The following CPO variants were observed in gnomAD, a reference collection of about 807,000 sequenced individuals.
CPO encodes the protein metallocarboxypeptidase C.
Under a neutral mutation model 41.2 loss-of-function variants are expected in CPO, and 43 were observed. The ratio of observed to expected loss-of-function variants is 1.04; its 90% CI spans 0.82 to 1.35. CPO has a LOEUF of 1.35. Among genes scored for constraint, CPO ranks in the 40% most tolerant of loss-of-function variants. CPO has a pLI of 0.00. For synonymous variants in CPO, 178 were observed against 162.7 expected, an observed-to-expected ratio of 1.09 and a Z score of -0.72; for missense variants, 408 against 451.7, an observed-to-expected ratio of 0.90 and a Z score of 0.88.
Position 206,950,273 on chromosome 2 carries a change from G to A in CPO, c.165+560G>A, listed in dbSNP as rs76202784. Reference sequence around the variant, plus strand: ...AAAACAAACAACCCCATCAAAAAGTGGGCAAAGGATATGAACAGACACCTC... The same window carrying A: ...AAAACAAACAACCCCATCAAAAAGTAGGCAAAGGATATGAACAGACACCTC... On this transcript the variant is annotated intron_variant, in intron 2 of 8. Transcript: ENST00000272852. Among the ~76,000 whole-genome samples, 6 of 152,270 alleles carry A rather than the reference G, an allele frequency of 3.9e-5. No individual in the cohort carries two copies. In the South Asian group the frequency reaches 1.2e-3, roughly 32 times the overall value.
chr2:206,953,695 C>T (rs1298060559), intron 2 of CPO, among the ~76,000 whole-genome samples: 1 of 152,230 alleles, frequency 6.6e-6, no homozygotes, highest in Non-Finnish European at 1.5e-5. Flanking sequence ...GGCAGTGCCC[C>T]AGTGGGGACT....
In CPO at chr2:206,959,703, G is replaced by T; in HGVS notation, c.445G>T (p.Val149Phe). The T allele has an allele frequency of 6.4e-7, 1 of 1,570,266 alleles. No homozygotes were observed. ...LRNLDFYVLP[V>F]LNIDGYIYTW... ...GAACCTGGACTTCTATGTCCTTCCA[G>T]TTCTTAACATAGATGGTTATATCTA... The change falls in exon 5 of 9, where the codon GTT (valine) becomes TTT (phenylalanine). Residue 149 changes from valine (V) to phenylalanine (F), a missense_variant. Val to Phe is a conservative substitution (Grantham distance 50). Coordinates refer to ENST00000272852, the MANE Select transcript of CPO (RefSeq NM_173077.3).
At chr2:206,961,655 T>A (rs1168275236) in intron 6 of CPO, among the ~76,000 whole-genome samples, 1 of 152,106 alleles carries the variant, frequency 6.6e-6, no homozygotes, top group African/African-American at 2.4e-5. Flanking sequence ...ACTACTTATG[T>A]CCTTGCTAAA....
intron 7 of CPO, among the ~76,000 whole-genome samples, chr2:206,963,788 G>A (rs912816101): frequency 3.3e-5 from 5 of 150,120 alleles, no homozygotes; most frequent in Admixed American, 6.6e-5. Context: ...TGGCTATTAC[G>A]AACAATGCTG....
At chr2:206,955,931 T>A (rs1454939388) in intron 3 of CPO, among the ~76,000 whole-genome samples, 1 of 152,190 alleles carries the variant, frequency 6.6e-6, no homozygotes, top group Non-Finnish European at 1.5e-5. Flanking sequence ...AAAATGTTCT[T>A]TTTTAAAAAA....
chr2:206,965,751 C>T (rs1028200692), intron 7 of CPO, among the ~76,000 whole-genome samples: 1 of 151,858 alleles, frequency 6.6e-6, no homozygotes, highest in East Asian at 1.9e-4. Flanking sequence ...TTAAGCGGGC[C>T]GGAGGTTTTT....
intron 5 of CPO, among the ~76,000 whole-genome samples, chr2:206,960,044 T>C (rs1326314604): frequency 6.6e-6 from 1 of 152,192 alleles, no homozygotes; most frequent in African/African-American, 2.4e-5. Context: ...TAGGATTATA[T>C]TGATAAAAAT....
Position 206,958,301 on chromosome 2 carries a change from A to T in CPO, c.268A>T (p.Ile90Phe). The change falls in exon 4 of 9, where the codon ATC becomes TTC. Residue 90 changes from isoleucine (I) to phenylalanine (F), a missense_variant and splice_region_variant. Coordinates refer to ENST00000272852, the MANE Select transcript of CPO (RefSeq NM_173077.3). ...YETHPMYYLK[I>F]SQPSGNPKKI... Reference sequence around the variant, plus strand: ...AATGGGGCATGGATATCTTCTCCAGATCAGCCAACCATCTGGTAATCCCAA... The same window carrying T: ...AATGGGGCATGGATATCTTCTCCAGTTCAGCCAACCATCTGGTAATCCCAA... 1 of 1,562,050 alleles carries T rather than the reference A, an allele frequency of 6.4e-7. No homozygotes were observed. Among genetic ancestry groups the T allele is most frequent in the Middle Eastern group, 1.7e-4 (1 of 5,948 alleles).
chr2:206,949,210 A>C (rs755976097), intron 1 of CPO, among the ~76,000 whole-genome samples: 3 of 152,196 alleles, frequency 2.0e-5, no homozygotes, highest in Non-Finnish European at 4.4e-5. Flanking sequence ...TCTGAAATGG[A>C]GATAATAAGA....
At chr2:206,961,422 A>C (rs1574354997) in intron 6 of CPO, among the ~76,000 whole-genome samples, 1 of 152,190 alleles carries the variant, frequency 6.6e-6, no homozygotes, top group African/African-American at 2.4e-5. Flanking sequence ...CCAGATGGGA[A>C]GGGTTAAAAT....
chr2:206,945,429 C>T (rs926498627), intron 1 of CPO, among the ~76,000 whole-genome samples: 1 of 152,000 alleles, frequency 6.6e-6, no homozygotes, highest in African/African-American at 2.4e-5. Context: ...AAAATATAAC[C>T]CCATTTCTTG....
At chr2:206,952,513 T>C (rs1317952213) in intron 2 of CPO, among the ~76,000 whole-genome samples, 1 of 152,240 alleles carries the variant, frequency 6.6e-6, no homozygotes. Context: ...TGTCTGAATA[T>C]GTCTTATGTT....
chr2:206,939,643 T>A lies in CPO; in HGVS notation c.44T>A (p.Val15Asp). ...LETLYLLGML[V>D]PGGLGYDRSL... The stretch of plus-strand genomic sequence containing the variant: ...ACCCTTTATCTTTTGGGGATGCTGG[T>A]TCCTGGAGGGCTGGGATATGATAGG... The change falls in exon 1 of 9, where the codon GTT becomes GAT. Residue 15 changes from valine to aspartate, a missense_variant. Physicochemically the swap from Val to Asp is radical, Grantham distance 152. Coordinates refer to ENST00000272852, the MANE Select transcript of CPO (RefSeq NM_173077.3). 6.2e-7 allele frequency: 1 copy of A among 1,611,226 alleles called. No individual in the cohort carries two copies. Among genetic ancestry groups the A allele is most frequent in the Non-Finnish European group, 8.5e-7 (1 of 1,177,872 alleles).
chr2:206,960,793 C>T, intron 5 of CPO, 59 bp from the exon 6 acceptor site: 1 of 1,222,580 alleles, frequency 8.2e-7, no homozygotes. Flanking sequence ...CCTATCATCA[C>T]TAACACTGTG....
Position 206,954,902 on chromosome 2 carries a change from C to T in CPO, c.166-561C>T, listed in dbSNP as rs1693329470. On this transcript the variant is annotated intron_variant, in intron 2 of 8. Transcript: ENST00000272852. ...TCTAAATCCATCAGATCTTGTGAGA[C>T]TTATTCACTATCATGAGAACAGCAT... is the stretch of plus-strand genomic sequence containing the variant. Among the ~76,000 whole-genome samples, 3 of 152,142 alleles carry T rather than the reference C, an allele frequency of 2.0e-5. No homozygotes were observed. The South Asian group carries it at 6.2e-4, about 32-fold the overall frequency.
At chr2:206,955,746 G>T (rs1376759301) in intron 3 of CPO, among the ~76,000 whole-genome samples, 182 bp downstream of exon 3, 1 of 152,112 alleles carries the variant, frequency 6.6e-6, no homozygotes, top group East Asian at 1.9e-4. Context: ...TAATTATCTG[G>T]GTGAAATCAA....
rs752377148 is a variant in CPO, at chr2:206,958,728, GTTTTTTTTTTTTTT to G, written c.372+340_372+353del. On this transcript the variant is annotated intron_variant, in intron 4 of 8. Transcript: ENST00000272852. ...CTAATAGTATTTGGCAAATTTTCTAGTTTTTTTTTTTTTTTTTTTTTTTTTTTTTTAAGACAGAG... is the reference window on the plus strand; with the variant it reads ...CTAATAGTATTTGGCAAATTTTCTAGTTTTTTTTTTTTTTTTAAGACAGAG... Among the ~76,000 whole-genome samples the G allele has an allele frequency of 6.7e-4, 36 of 53,336 alleles. 1 individual carries two copies. Among genetic ancestry groups the G allele is most frequent in the South Asian group, 3.2e-3 (4 of 1,232 alleles). The allele number at this position is 53,336 out of a possible 152,430, so 35.0% of individuals were successfully genotyped here.
At chr2:206,966,264 C>G (rs1055356021) in intron 7 of CPO, among the ~76,000 whole-genome samples, 1 of 151,204 alleles carries the variant, frequency 6.6e-6, no homozygotes, top group Non-Finnish European at 1.5e-5. Context: ...CAAGGAACCA[C>G]TGGGATGGCA....
chr2:206,947,318 G>T (rs1256626151), intron 1 of CPO, among the ~76,000 whole-genome samples: 1 of 152,164 alleles, frequency 6.6e-6, no homozygotes, highest in Non-Finnish European at 1.5e-5. Context: ...AGTCTTTTCA[G>T]CAAATAGTGC....
Sources: allele counts gnomAD v4.1 joint callset (sites outside exome capture counted in the v4.1 genomes callset), GRCh38; gene constraint gnomAD v4.1.1; transcripts MANE v1.5; gene names NCBI Gene and HGNC (gene_info 2026-07-23, HGNC 2026-07-21).